DGKI: variants seen among roughly 807,000 people sequenced by gnomAD.
DGKI encodes DAG kinase iota.
DGKI carries 55 observed loss-of-function variants against 147.5 expected under a neutral mutation model. That is an observed-to-expected ratio of 0.37 (90% confidence interval 0.30 to 0.47). The LOEUF (loss-of-function observed/expected upper bound fraction) is 0.47. Ranked by LOEUF, DGKI falls within the 20% of genes least tolerant of loss-of-function variation. The pLI is 1.00. For missense variants in DGKI, 1,007 were observed against 1,323.8 expected (o/e 0.76, Z 3.71); for synonymous variants, 469 against 477.1 (o/e 0.98, Z 0.22).
chr7:137,509,951 GAAAA>G (rs200541906), intron 21 of DGKI, among the ~76,000 whole-genome samples: 1 of 150,922 alleles, frequency 6.6e-6, no homozygotes, highest in Non-Finnish European at 1.5e-5. Context: ...ATCCCAGGGA[GAAAA>G]AAAAAGGAGA....
chr7:137,561,976 A>G (rs2128971488), intron 19 of DGKI, among the ~76,000 whole-genome samples: 1 of 152,352 alleles, frequency 6.6e-6, no homozygotes, highest in East Asian at 1.9e-4. Flanking sequence ...AGAAAAATAA[A>G]ATTTAAAACT....
At chr7:137,572,652 C>A in intron 18 of DGKI, 113 bp downstream of exon 18, 1 of 679,528 alleles carries the variant, frequency 1.5e-6, no homozygotes, top group Non-Finnish European at 2.5e-6. Context: ...TTTAATTACC[C>A]ATTTAGATAA....
intron 19 of DGKI, among the ~76,000 whole-genome samples, chr7:137,569,363 A>G (rs570241038): frequency 2.0e-5 from 3 of 152,192 alleles, no homozygotes; most frequent in African/African-American, 7.2e-5. Context: ...TGAATAAAGA[A>G]TAAGTAACCC....
chr7:137,728,461 G>A (rs777852127), intron 1 of DGKI, among the ~76,000 whole-genome samples: 5 of 152,286 alleles, frequency 3.3e-5, no homozygotes, highest in Admixed American at 6.5e-5. Context: ...AGAAGCAATA[G>A]TTTAGCCCCA....
intron 10 of DGKI, among the ~76,000 whole-genome samples, chr7:137,604,701 C>G (rs780595384): frequency 6.7e-6 from 1 of 149,786 alleles, no homozygotes; most frequent in Non-Finnish European, 1.5e-5. Context: ...ATAGAATCAT[C>G]CTAGAGGTCA....
chr7:137,479,783 C>T (rs1373310660), intron 23 of DGKI, among the ~76,000 whole-genome samples: 1 of 152,148 alleles, frequency 6.6e-6, no homozygotes, highest in Non-Finnish European at 1.5e-5. Flanking sequence ...AAATTTCTCT[C>T]ATTACCCATT....
intron 21 of DGKI, among the ~76,000 whole-genome samples, chr7:137,505,758 T>G (rs1816346125): frequency 6.7e-6 from 1 of 148,366 alleles, no homozygotes; most frequent in South Asian, 2.1e-4. Context: ...ATAGAATTCT[T>G]AAAACCCAAC....
At chr7:137,478,930 C>T (rs35366641) in intron 23 of DGKI, among the ~76,000 whole-genome samples, 10,426 of 152,174 alleles carry the variant, frequency 0.069, 500 homozygotes, top group Middle Eastern at 0.14. Flanking sequence ...TAAAAATATG[C>T]GTCTTTCAAA....
intron 29 of DGKI, among the ~76,000 whole-genome samples, chr7:137,409,384 G>T (rs867202321): frequency 3.3e-5 from 5 of 152,282 alleles, no homozygotes; most frequent in South Asian, 2.1e-4. Context: ...AGCCCATGGT[G>T]GAGACGGATA....
chr7:137,515,216 C>A (rs1816709454), intron 21 of DGKI, among the ~76,000 whole-genome samples: 1 of 152,124 alleles, frequency 6.6e-6, no homozygotes, highest in African/African-American at 2.4e-5. Flanking sequence ...TCTTGCTGAC[C>A]ACCTTATCAA....
chr7:137,588,515 C>T (rs1035129871), intron 12 of DGKI, among the ~76,000 whole-genome samples: 5 of 137,414 alleles, frequency 3.6e-5, no homozygotes, highest in Admixed American at 7.7e-5. Context: ...CTCAATCGGT[C>T]GTCCAGGCTG....
chr7:137,574,758 T>C lies in DGKI; in HGVS notation c.1762-1920A>G, dbSNP rs927979390. Among the ~76,000 whole-genome samples the C allele has an allele frequency of 2.6e-5, 4 of 152,310 alleles. No individual in the cohort carries two copies. The East Asian group carries it at 7.7e-4, about 29-fold the overall frequency. On this transcript the variant is annotated intron_variant, in intron 17 of 32. Coordinates refer to ENST00000614521, the MANE Select transcript of DGKI (RefSeq NM_001321708.2). The stretch of plus-strand genomic sequence containing the variant: ...AAATATGTTCCTTTGTATAAGCTCA[T>C]ATACTGATAAATAACAAGAAGAAAA...
In DGKI at chr7:137,542,306, T is replaced by C. The variant is rs539828391; in HGVS notation, c.2147+10063A>G. ...CATAAAGCTTATTACATAAAACCTG[T>C]TCATCAATGTTTATAGGAACTCTAC... On this transcript the variant is annotated intron_variant, in intron 20 of 32. Coordinates refer to ENST00000614521, the MANE Select transcript of DGKI (RefSeq NM_001321708.2). Among the ~76,000 whole-genome samples the C allele has an allele frequency of 3.3e-5, 5 of 152,310 alleles. No individual in the cohort carries two copies. In the South Asian group the frequency reaches 1.0e-3, roughly 32 times the overall value.
At chr7:137,763,853 A>G (rs1795930121) in intron 1 of DGKI, among the ~76,000 whole-genome samples, 1 of 152,164 alleles carries the variant, frequency 6.6e-6, no homozygotes, top group Non-Finnish European at 1.5e-5. Flanking sequence ...CTCCACATAG[A>G]GCAATTTTCA....
At chr7:137,605,313 T>TATAAAATAAAATAAA (rs564995858) in intron 10 of DGKI, among the ~76,000 whole-genome samples, 2,110 of 121,196 alleles carry the variant, frequency 0.017, 44 homozygotes, top group African/African-American at 0.042. Flanking sequence ...GTCTCAAAAA[T>TATAAAATAAAATAAA]ATAAAATAAA....
chr7:137,547,712 C>T (rs1817910951), intron 20 of DGKI, among the ~76,000 whole-genome samples: 1 of 152,048 alleles, frequency 6.6e-6, no homozygotes, highest in Non-Finnish European at 1.5e-5. Context: ...GGCCTCCCCA[C>T]AGAGCAGAGA....
chr7:137,837,315 C>A (rs1382208704), intron 1 of DGKI, among the ~76,000 whole-genome samples: 1 of 152,114 alleles, frequency 6.6e-6, no homozygotes, highest in African/African-American at 2.4e-5. Context: ...AGTATTTGAA[C>A]CAAGAAAAGC....
chr7:137,668,045 G>A (rs1390895841), intron 3 of DGKI, among the ~76,000 whole-genome samples: 6 of 152,194 alleles, frequency 3.9e-5, no homozygotes, highest in Non-Finnish European at 8.8e-5. Flanking sequence ...AGAAAGACTA[G>A]CTAAGAGTGG....
At chr7:137,645,149 T>C (rs1187337802) in intron 6 of DGKI, among the ~76,000 whole-genome samples, 1 of 152,258 alleles carries the variant, frequency 6.6e-6, no homozygotes, top group African/African-American at 2.4e-5. Context: ...TTGCTGCGAT[T>C]GGCCAAAGTA....
Sources: gnomAD v4.1 joint callset for allele counts (sites outside exome capture counted in the v4.1 genomes callset) on GRCh38, gnomAD v4.1.1 for gene constraint, MANE v1.5 for transcripts, NCBI Gene and HGNC (gene_info 2026-07-23, HGNC 2026-07-21) for gene names.